Variants in CLIC4 observed in about 807,000 individuals in gnomAD.
The protein encoded by CLIC4 is chloride intracellular channel protein 4.
Under a neutral mutation model 24.6 loss-of-function variants are expected in CLIC4, and 13 were observed. The ratio of observed to expected loss-of-function variants is 0.53; its 90% CI spans 0.34 to 0.84. The LOEUF is 0.84. CLIC4 is among the 40% of genes least tolerant of loss of function. CLIC4 has a pLI of 0.01. For synonymous variants in CLIC4, 104 were observed against 111.3 expected (o/e 0.93, Z 0.41); for missense variants, 227 against 301.7 (o/e 0.75, Z 1.83).
rs144370862 is a variant in CLIC4, at chr1:24,777,230, T to C, written c.73-20512T>C. ...TGGCTCAGTACACCAGATAAACTGT[T>C]AAAATTTGTTTGAAATAGGAATAAA... is the stretch of plus-strand genomic sequence containing the variant. On this transcript the variant is annotated intron_variant, in intron 1 of 5. Coordinates refer to ENST00000374379, the MANE Select transcript of CLIC4 (RefSeq NM_013943.3). 2.6e-3 allele frequency among the ~76,000 whole-genome samples: 403 copies of C among 152,308 alleles called. 2 individuals are homozygous for C. Among genetic ancestry groups the C allele is most frequent in the African/African-American group, 9.2e-3 (384 of 41,562 alleles).
At chr1:24,792,641 A>G (rs917218256) in intron 1 of CLIC4, among the ~76,000 whole-genome samples, 2 of 152,174 alleles carry the variant, frequency 1.3e-5, no homozygotes, top group Admixed American at 6.5e-5. Flanking sequence ...TGGTTAGTAA[A>G]AAAGGGACTT....
intron 1 of CLIC4, among the ~76,000 whole-genome samples, chr1:24,750,257 A>G (rs1638757599): frequency 6.6e-6 from 1 of 152,114 alleles, no homozygotes; most frequent in African/African-American, 2.4e-5. Context: ...GAGGAAAACA[A>G]CAAAGGCTTA....
At chr1:24,839,306 C>G (rs1639915365) in intron 4 of CLIC4, among the ~76,000 whole-genome samples, 4 of 152,038 alleles carry the variant, frequency 2.6e-5, no homozygotes, top group Admixed American at 2.6e-4. Context: ...TAGTTGTTAG[C>G]AAGTTTTTTT....
At chr1:24,785,291 T>A (rs751424699) in intron 1 of CLIC4, among the ~76,000 whole-genome samples, 16 of 152,120 alleles carry the variant, frequency 1.1e-4, no homozygotes, top group Non-Finnish European at 1.8e-4. Context: ...CAAGTAACAT[T>A]TTAAAAACTC....
chr1:24,767,846 TA>T (rs1190817819), intron 1 of CLIC4, among the ~76,000 whole-genome samples: 6 of 151,100 alleles, frequency 4.0e-5, no homozygotes, highest in Non-Finnish European at 7.4e-5. Context: ...AAATTATATA[TA>T]TATATATTTT....
chr1:24,800,939 G>C (rs1314741304), intron 2 of CLIC4, among the ~76,000 whole-genome samples: 1 of 149,710 alleles, frequency 6.7e-6, no homozygotes, highest in Non-Finnish European at 1.5e-5. Flanking sequence ...AAGGCCGCAG[G>C]GTCCTCTGCC....
At chr1:24,810,516 A>G (rs1639601805) in intron 2 of CLIC4, among the ~76,000 whole-genome samples, 2 of 152,186 alleles carry the variant, frequency 1.3e-5, no homozygotes, top group Admixed American at 1.3e-4. Context: ...AACAGCTTTC[A>G]GTTATGTGGG....
intron 1 of CLIC4, among the ~76,000 whole-genome samples, chr1:24,747,795 G>A (rs1333160826): frequency 1.3e-5 from 2 of 151,992 alleles, no homozygotes; most frequent in Non-Finnish European, 2.9e-5. Flanking sequence ...AGCATTTTGG[G>A]ATGCCGAGAT....
chr1:24,775,530 CTCTTT>C (rs956849575), intron 1 of CLIC4, among the ~76,000 whole-genome samples: 3 of 151,028 alleles, frequency 2.0e-5, no homozygotes, highest in African/African-American at 7.3e-5. Context: ...TCTTCTCTCT[CTCTTT>C]TCTTTCTTTC....
At position 24,839,985 on chromosome 1, in the gene CLIC4, G is replaced by A. The variant is rs764490648; in HGVS notation, c.541G>A (p.Gly181Ser). The change falls in exon 5 of 6, where the codon GGC (glycine) becomes AGC (serine). Residue 181 changes from glycine to serine, a missense_variant. Gly to Ser is a moderately conservative substitution (Grantham distance 56). Coordinates refer to ENST00000374379, the MANE Select transcript of CLIC4 (RefSeq NM_013943.3). ...GTTTTCTACACGTAAATTTCTGGAT[G>A]GCAATGAAATGACATTAGCTGATTG... ...IKFSTRKFLD[G>S]NEMTLADCNL... 46 of 1,613,978 alleles carry A rather than the reference G, an allele frequency of 2.9e-5. No individual in the cohort carries two copies. The highest frequency in any genetic ancestry group is 1.6e-4 in the Middle Eastern group (1 of 6,072).
rs113585823 is a variant in CLIC4, at chr1:24,767,635, G to A, written c.72+22010G>A. ...CTAAAGGACAGTCAGATTGGACTCT[G>A]CCATCTTAGTCCATCGGCCTCAGCA... is the stretch of plus-strand genomic sequence containing the variant. On this transcript the variant is annotated intron_variant, in intron 1 of 5. Coordinates refer to ENST00000374379, the MANE Select transcript of CLIC4 (RefSeq NM_013943.3). 3.0e-3 allele frequency among the ~76,000 whole-genome samples: 461 copies of A among 152,258 alleles called. 1 individual carries two copies. The highest frequency in any genetic ancestry group is 0.01 in the African/African-American group (431 of 41,558).
rs954399031 is a variant in CLIC4 at position 24,844,247 on chromosome 1, A to G, written c.*3310A>G. ...TTGCTGGCAGCTATTGTATTAAAAA[A>G]TAAAGTATATTTTCACTATCATAAA... On this transcript the variant is annotated 3_prime_UTR_variant, in exon 6 of 6. Coordinates refer to ENST00000374379, the MANE Select transcript of CLIC4 (RefSeq NM_013943.3). 6.6e-6 allele frequency: 1 copy of G among 152,660 alleles called. No homozygotes were observed. Among genetic ancestry groups the G allele is most frequent in the African/African-American group, 2.4e-5 (1 of 41,456 alleles). The allele number at this position is 152,660 out of a possible 1,614,324, so 9.5% of individuals were successfully genotyped here. A position where few individuals can be genotyped will look rare whatever the true frequency, so the allele number is the denominator to read the frequency against.
At chr1:24,797,901 A>C (rs1639422815) in intron 2 of CLIC4, 50 bp downstream of exon 2, 1 of 1,253,618 alleles carries the variant, frequency 8.0e-7, no homozygotes, top group Non-Finnish European at 1.2e-6. Flanking sequence ...CTATCTTTTC[A>C]GTTTGATCCT....
intron 1 of CLIC4, among the ~76,000 whole-genome samples, chr1:24,754,616 G>A (rs1638819067): frequency 6.6e-6 from 1 of 152,126 alleles, no homozygotes. Flanking sequence ...AATGACATTA[G>A]GTCATGGTTA....
At chr1:24,831,892 G>A (rs904084404) in intron 4 of CLIC4, among the ~76,000 whole-genome samples, 2 of 152,182 alleles carry the variant, frequency 1.3e-5, no homozygotes, top group Admixed American at 1.3e-4. Context: ...ACCTGCCTTG[G>A]CTTGCCAAAG....
chr1:24,758,317 T>C (rs1638877191), intron 1 of CLIC4, among the ~76,000 whole-genome samples: 1 of 151,982 alleles, frequency 6.6e-6, no homozygotes, highest in South Asian at 2.1e-4. Flanking sequence ...GTCTTTTTTT[T>C]TTTTTTCCTC....
intron 3 of CLIC4, among the ~76,000 whole-genome samples, chr1:24,821,259 G>A (rs7519508): frequency 0.62 from 93,924 of 151,998 alleles, 30,199 homozygotes; most frequent in Non-Finnish European, 0.71. Flanking sequence ...GTGACATTAA[G>A]AGAAATAGTA....
intron 2 of CLIC4, among the ~76,000 whole-genome samples, chr1:24,810,246 T>G (rs978845548): frequency 5.3e-5 from 8 of 152,264 alleles, no homozygotes; most frequent in African/African-American, 1.9e-4. Flanking sequence ...TTGGTTGGTT[T>G]GTTCAAATCA....
At chr1:24,820,420 C>T (rs184426377) in intron 3 of CLIC4, among the ~76,000 whole-genome samples, 22 of 151,420 alleles carry the variant, frequency 1.5e-4, no homozygotes, top group African/African-American at 4.6e-4. Context: ...TGCCACCATG[C>T]CCAGCTAAGT....
Sources: gnomAD v4.1 joint callset for allele counts (sites outside exome capture counted in the v4.1 genomes callset) on GRCh38, gnomAD v4.1.1 for gene constraint, MANE v1.5 for transcripts, NCBI Gene and HGNC (gene_info 2026-07-23, HGNC 2026-07-21) for gene names.